Variants in CECR2 observed in about 807,000 individuals in gnomAD.
CECR2 encodes the protein CECR2 histone acetyl-lysine reader, also known as chromatin remodeling regulator CECR2.
A neutral mutation model predicts 154.5 loss-of-function variants in CECR2; 30 were observed. The observed-to-expected ratio is 0.19, with a 90% CI of 0.15 to 0.26. The LOEUF is 0.26. Among genes scored for constraint, CECR2 ranks in the 10% least tolerant of loss-of-function variants. The probability of loss-of-function intolerance (pLI) is 1.00; values close to 1 mark genes in which losing one functional copy is unlikely to be tolerated. For synonymous variants in CECR2, 725 were observed against 683.7 expected (o/e 1.06, Z -0.94); for missense variants, 1,743 against 1,829.3 (o/e 0.95, Z 0.86).
At position 17,480,459 on chromosome 22, in the gene CECR2, C is replaced by CACACACACACACACAGAG. The variant is rs373106595; in HGVS notation, c.221+2778_221+2779insCACACACACACACAGAGA. ...ACACACACACACACACACACACACA[C>CACACACACACACACAGAG]AGAGAAAAGTGCTCATTTCCTAATT... On this transcript the variant is annotated intron_variant, in intron 2 of 18. Coordinates refer to ENST00000262608, the MANE Select transcript of CECR2 (RefSeq NM_001290047.2). 5.6e-3 allele frequency among the ~76,000 whole-genome samples: 799 copies of CACACACACACACACAGAG among 143,738 alleles called. 8 individuals are homozygous for CACACACACACACACAGAG. The highest frequency in any genetic ancestry group is 8.4e-3 in the Non-Finnish European group (547 of 65,506). The allele number at this position is 143,738 out of a possible 152,430, so 94.3% of individuals were successfully genotyped here.
chr22:17,381,784 G>A (rs1290611395), intron 1 of CECR2, among the ~76,000 whole-genome samples: 2 of 152,182 alleles, frequency 1.3e-5, no homozygotes, highest in Non-Finnish European at 2.9e-5. Context: ...TTCAGAGGAA[G>A]GCAGAGATGG....
At chr22:17,477,192 T>TA in intron 1 of CECR2, 1 of 715,364 alleles carries the variant, frequency 1.4e-6, no homozygotes, top group Non-Finnish European at 2.6e-6. Flanking sequence ...CATAAACAAT[T>TA]ACATGAGCAC....
chr22:17,502,169 C>T (rs2055750819), intron 5 of CECR2, among the ~76,000 whole-genome samples: 1 of 152,174 alleles, frequency 6.6e-6, no homozygotes, highest in African/African-American at 2.4e-5. Flanking sequence ...TCCAACGTCC[C>T]TGTGAGGTAG....
intron 8 of CECR2, chr22:17,518,623 G>T: frequency 2.4e-6 from 1 of 421,996 alleles, no homozygotes; most frequent in Non-Finnish European, 4.8e-6. Flanking sequence ...TTTCCCCATG[G>T]GCTTGGCACT....
At position 17,539,071 on chromosome 22, in the gene CECR2, A is replaced by G. The variant is rs1249409874; in HGVS notation, c.1447A>G (p.Met483Val). ...TACCAAGGAGGAATTTGTAAATGAC[A>G]TGAAGACCATGTTCAGGAATTGTCG... ...YCTKEEFVND[M>V]KTMFRNCRKY... Residue 483 changes from methionine (M) to valine (V), a missense_variant, in exon 13 of 19, where the codon ATG becomes GTG. Around this residue, in one of 4 missense-constraint regions of CECR2, gnomAD observed 103 missense variants for 166.8 expected, o/e 0.62. Transcript: ENST00000262608. 3 of 1,613,982 alleles carry G rather than the reference A, an allele frequency of 1.9e-6. No individual in the cohort carries two copies. The highest frequency in any genetic ancestry group is 1.1e-5 in the South Asian group (1 of 91,086).
chr22:17,421,593 C>T (rs1430107341), intron 1 of CECR2, among the ~76,000 whole-genome samples: 8 of 103,800 alleles, frequency 7.7e-5, no homozygotes, highest in Admixed American at 1.5e-4. Context: ...CCAGCCTGGG[C>T]GACAGAGCGA....
chr22:17,361,874 C>T (rs1338254895), intron 1 of CECR2, among the ~76,000 whole-genome samples: 1 of 151,820 alleles, frequency 6.6e-6, no homozygotes, highest in African/African-American at 2.4e-5. Flanking sequence ...TCTAAGGGGG[C>T]AGGGAGAAAA....
intron 1 of CECR2, among the ~76,000 whole-genome samples, chr22:17,394,808 A>G (rs2053783227): frequency 6.6e-6 from 1 of 152,004 alleles, no homozygotes; most frequent in African/African-American, 2.4e-5. Flanking sequence ...TAGATCTTTG[A>G]TTTCTTTCAA....
intron 1 of CECR2, among the ~76,000 whole-genome samples, chr22:17,379,411 C>T (rs1328576851): frequency 2.0e-5 from 3 of 152,092 alleles, no homozygotes; most frequent in South Asian, 2.1e-4. Context: ...TGCCTAGTGC[C>T]GCAGGGAGGA....
At chr22:17,443,720 C>T (rs1339235976) in intron 1 of CECR2, among the ~76,000 whole-genome samples, 1 of 152,198 alleles carries the variant, frequency 6.6e-6, no homozygotes, top group Non-Finnish European at 1.5e-5. Context: ...TGACTCCCCA[C>T]TCCTCGTAAT....
At chr22:17,474,952 A>C (rs987304632) in intron 1 of CECR2, among the ~76,000 whole-genome samples, 1 of 152,060 alleles carries the variant, frequency 6.6e-6, no homozygotes, top group Non-Finnish European at 1.5e-5. Context: ...TTAATTTGGT[A>C]CTTCCATGCT....
chr22:17,536,329 G>C (rs2056436975), intron 9 of CECR2, among the ~76,000 whole-genome samples: 1 of 152,174 alleles, frequency 6.6e-6, no homozygotes, highest in South Asian at 2.1e-4. Flanking sequence ...TTGCTGTCTG[G>C]CAGTCTCATT....
At position 17,548,179 on chromosome 22, in the gene CECR2, A is replaced by G. The variant is rs1257961068; in HGVS notation, c.2892A>G (p.Pro964=). 1 of 1,566,486 alleles carries G rather than the reference A, an allele frequency of 6.4e-7. No homozygotes were observed. The highest frequency in any genetic ancestry group is 2.4e-5 in the East Asian group (1 of 42,258). The part of the protein sequence containing the change: ...AEPLPGLEEK[P]PGVGTSEGVY... Reference sequence around the variant, plus strand: ...CGTTGCCTGGCCTTGAAGAGAAACCACCAGGTGTTGGTACTTCAGAGGGGG... The same window carrying G: ...CGTTGCCTGGCCTTGAAGAGAAACCGCCAGGTGTTGGTACTTCAGAGGGGG... Residue 964 remains proline (P), a synonymous_variant, in exon 17 of 19, where the codon CCA becomes CCG. Transcript: ENST00000262608.
intron 14 of CECR2, among the ~76,000 whole-genome samples, chr22:17,541,499 G>C (rs966708033): frequency 2.6e-5 from 4 of 152,224 alleles, no homozygotes; most frequent in Admixed American, 6.5e-5. Context: ...TATACATGTA[G>C]TACATGAATG....
chr22:17,500,064 A>G (rs999250066), intron 4 of CECR2, among the ~76,000 whole-genome samples: 1 of 152,126 alleles, frequency 6.6e-6, no homozygotes, highest in Non-Finnish European at 1.5e-5. Flanking sequence ...ACAAAAAATT[A>G]GCCAGGCGTG....
chr22:17,476,813 T>C (rs1439512456), intron 1 of CECR2, among the ~76,000 whole-genome samples: 1 of 152,182 alleles, frequency 6.6e-6, no homozygotes, highest in African/African-American at 2.4e-5. Flanking sequence ...AAACATTCTG[T>C]CATCTAAGAA....
chr22:17,465,986 T>G (rs2055025856), intron 1 of CECR2, among the ~76,000 whole-genome samples: 1 of 151,882 alleles, frequency 6.6e-6, no homozygotes, highest in South Asian at 2.1e-4. Context: ...TTGAACATGG[T>G]AAAGTAACTA....
intron 1 of CECR2, among the ~76,000 whole-genome samples, chr22:17,456,295 T>C (rs2054853325): frequency 1.3e-5 from 2 of 152,216 alleles, no homozygotes; most frequent in African/African-American, 4.8e-5. Context: ...ACTTTTATTA[T>C]ATTTTATAAT....
rs2055017942 is a variant in CECR2, at chr22:17,465,592, CTCCT to C, written c.127-11995_127-11992del. 2.0e-5 allele frequency among the ~76,000 whole-genome samples: 3 copies of C among 152,230 alleles called. No individual in the cohort carries two copies. In the South Asian group the frequency reaches 6.2e-4, roughly 32 times the overall value. The stretch of plus-strand genomic sequence containing the variant: ...TTCCACCTCCTGGGTTCAAACGATT[CTCCT>C]GGCTCAACCTCCTGAGTAGCTGGGA... On this transcript the variant is annotated intron_variant, in intron 1 of 18. Coordinates refer to ENST00000262608, the MANE Select transcript of CECR2 (RefSeq NM_001290047.2).
Sources: gnomAD v4.1 joint callset for allele counts (sites outside exome capture counted in the v4.1 genomes callset) on GRCh38, gnomAD v4.1.1 for gene constraint, gnomAD v4.1.1 regional missense constraint, MANE v1.5 for transcripts, NCBI Gene and HGNC (gene_info 2026-07-23, HGNC 2026-07-21) for gene names.